The following SETX variants were observed in gnomAD, a reference collection of about 807,000 sequenced individuals.
The protein encoded by SETX is helicase senataxin.
SETX carries 90 observed loss-of-function variants against 227.2 expected under a neutral mutation model. The ratio of observed to expected loss-of-function variants is 0.40; its 90% CI spans 0.33 to 0.47. The LOEUF is 0.47. SETX is among the 20% of genes least tolerant of loss of function. The pLI, the probability that SETX is intolerant of heterozygous loss-of-function variation, is 0.91. For missense variants in SETX, 3,052 were observed against 3,181.5 expected (o/e 0.96, Z 0.98); for synonymous variants, 1,210 against 1,113.2 (o/e 1.09, Z -1.73).
chr9:132,348,699 A>G (rs562489), intron 3 of SETX, among the ~76,000 whole-genome samples: 135,832 of 152,124 alleles, frequency 0.89, 60,770 homozygotes, highest in Non-Finnish European at 0.92. Context: ...GCCAAACCGG[A>G]AGGATCACTT....
intron 15 of SETX, 114 bp downstream of exon 15, chr9:132,295,758 G>A: frequency 1.0e-6 from 1 of 961,432 alleles, no homozygotes; most frequent in South Asian, 1.4e-5. Context: ...ACAAGCCACA[G>A]ATTCAAGTAG....
chr9:132,303,947 C>A (rs1845176565), intron 11 of SETX, among the ~76,000 whole-genome samples: 2 of 152,116 alleles, frequency 1.3e-5, no homozygotes, highest in Non-Finnish European at 2.9e-5. Context: ...CATGGTGAAA[C>A]CCTGTTTCTA....
rs371692040 is a variant in SETX, at chr9:132,283,160, C to CAA, written c.6546+102_6546+103dup. 3,746 of 1,145,106 alleles carry CAA rather than the reference C, an allele frequency of 3.3e-3. 1 individual carries two copies. Among genetic ancestry groups the CAA allele is most frequent in the East Asian group, 0.025 (916 of 37,044 alleles). 70.9% of individuals were successfully genotyped at this position (1,145,106 alleles called of 1,614,324 possible). A position where few individuals can be genotyped will look rare whatever the true frequency, so the allele number is the denominator to read the frequency against. ...GGTAATAGCAAGTGAAAATCAGATG[C>CAA]AAAAAAAAAAAACACATTTCCTCAA... On this transcript the variant is annotated intron_variant, in intron 19 of 25. Transcript: ENST00000224140.
chr9:132,313,078 T>C (rs943832679), intron 10 of SETX, among the ~76,000 whole-genome samples: 4 of 152,176 alleles, frequency 2.6e-5, no homozygotes, highest in African/African-American at 9.7e-5. Flanking sequence ...CTCGGGCTAG[T>C]GGTAGGAATG....
At chr9:132,335,356 A>G (rs1589759639) in intron 6 of SETX, among the ~76,000 whole-genome samples, 1 of 118,590 alleles carries the variant, frequency 8.4e-6, no homozygotes, top group African/African-American at 3.2e-5. Flanking sequence ...GCGCGACTGC[A>G]CTCCAGCCTG....
rs767779556 is a variant in SETX, at chr9:132,328,850, A to G, written c.2748T>C (p.Leu916=). Residue 916 remains leucine, a synonymous_variant, in exon 10 of 26, where the codon CTT becomes CTC. Transcript: ENST00000224140. Reference sequence around the variant, plus strand: ...CATCTCTTGATTCAGGTACAGTCATAAGATCTTTAAAGGGAGATGATTTCT... The same window carrying G: ...CATCTCTTGATTCAGGTACAGTCATGAGATCTTTAAAGGGAGATGATTTCT... ...SEKKSSPFKD[L]MTVPESRDEE... 1.9e-6 allele frequency: 3 copies of G among 1,613,834 alleles called. No homozygotes were observed. The South Asian group carries it at 3.3e-5, about 18-fold the overall frequency.
intron 13 of SETX, among the ~76,000 whole-genome samples, chr9:132,297,345 T>C (rs1844732643): frequency 6.6e-6 from 1 of 152,248 alleles, no homozygotes; most frequent in African/African-American, 2.4e-5. Context: ...TCACAATAAA[T>C]TGCATTTACT....
At chr9:132,300,583 T>TA in intron 12 of SETX, 47 bp downstream of exon 12, 1 of 1,577,088 alleles carries the variant, frequency 6.3e-7, no homozygotes, top group South Asian at 1.1e-5. Flanking sequence ...GATTATTAGA[T>TA]GAGACTGTAT....
intron 19 of SETX, among the ~76,000 whole-genome samples, chr9:132,282,543 G>C (rs532472335): frequency 6.6e-6 from 1 of 151,992 alleles, no homozygotes; most frequent in Non-Finnish European, 1.5e-5. Context: ...ACCCTCCTCA[G>C]TCTCCCAAAG....
At chr9:132,296,210 T>G (rs767458620) in intron 14 of SETX, among the ~76,000 whole-genome samples, 182 bp from the exon 15 acceptor site, 6 of 152,176 alleles carry the variant, frequency 3.9e-5, no homozygotes, top group African/African-American at 4.8e-5. Context: ...GCAAAAAAAT[T>G]TGTCATAACT....
intron 19 of SETX, 46 bp downstream of exon 19, chr9:132,283,218 C>G (rs1843641058): frequency 4.4e-6 from 7 of 1,606,884 alleles, no homozygotes; most frequent in Non-Finnish European, 6.0e-6. Context: ...CTAAGACTTA[C>G]TCCTCATAGT....
intron 17 of SETX, 78 bp from the exon 18 acceptor site, chr9:132,286,572 T>C (rs545511469): frequency 2.0e-6 from 2 of 975,764 alleles, no homozygotes; most frequent in East Asian, 2.4e-5. Context: ...ACCTCTAATT[T>C]TAAAAGAGCC....
intron 14 of SETX, among the ~76,000 whole-genome samples, chr9:132,296,310 CGGGA>C (rs1230703925): frequency 6.6e-6 from 1 of 152,052 alleles, no homozygotes; most frequent in African/African-American, 2.4e-5. Flanking sequence ...CCCAGCACTT[CGGGA>C]GGCCGAGGCG....
chr9:132,342,573 A>G (rs558246959), intron 5 of SETX, 117 bp downstream of exon 5: 1 of 863,724 alleles, frequency 1.2e-6, no homozygotes, highest in East Asian at 2.4e-5. Flanking sequence ...TAAATTTTAA[A>G]GCAAGAAAAA....
Position 132,297,963 on chromosome 9 carries a change from A to C in SETX, c.5781+117T>G, listed in dbSNP as rs1305702170. On this transcript the variant is annotated intron_variant, in intron 13 of 25. Coordinates refer to ENST00000224140, the MANE Select transcript of SETX (RefSeq NM_015046.7). ...GCAATACTAAAGAAAACTAACACTA[A>C]ACTGTTCACCGTGAACACATTTTTG... is the stretch of plus-strand genomic sequence containing the variant. 6.9e-6 allele frequency: 6 copies of C among 875,348 alleles called. No homozygotes were observed. The East Asian group carries it at 1.3e-4, about 19-fold the overall frequency. 54.2% of individuals were successfully genotyped at this position (875,348 alleles called of 1,614,324 possible).
Position 132,299,736 on chromosome 9 carries a change from A to G in SETX, c.5548+894T>C, listed in dbSNP as rs150726564. Among the ~76,000 whole-genome samples, 494 of 152,320 alleles carry G rather than the reference A, an allele frequency of 3.2e-3. 2 individuals are homozygous for G. Among genetic ancestry groups the G allele is most frequent in the African/African-American group, 0.011 (475 of 41,568 alleles). ...CTGGACTTACCAATTAACACTGATG[A>G]CAGCCTTGAAAATAGGTTTACTTAA... On this transcript the variant is annotated intron_variant, in intron 12 of 25. Coordinates refer to ENST00000224140, the MANE Select transcript of SETX (RefSeq NM_015046.7).
intron 23 of SETX, among the ~76,000 whole-genome samples, chr9:132,272,161 C>T (rs1051644498): frequency 8.5e-5 from 13 of 152,218 alleles, no homozygotes; most frequent in South Asian, 2.1e-4. Flanking sequence ...TGAGCCACCG[C>T]GTCCGGCTTA....
intron 11 of SETX, 123 bp from the exon 12 acceptor site, chr9:132,300,926 C>T (rs1415966250): frequency 2.7e-6 from 2 of 748,210 alleles, no homozygotes; most frequent in Admixed American, 6.1e-5. Flanking sequence ...AAGGACTCTG[C>T]ATATACTTTA....
chr9:132,331,542 T>C lies in SETX; in HGVS notation c.839-94A>G. 7 of 1,354,976 alleles carry C rather than the reference T, an allele frequency of 5.2e-6. 1 individual carries two copies. The South Asian group carries it at 7.4e-5, about 14-fold the overall frequency. The allele number at this position is 1,354,976 out of a possible 1,614,324, so 83.9% of individuals were successfully genotyped here. On this transcript the variant is annotated intron_variant, in intron 7 of 25. Coordinates refer to ENST00000224140, the MANE Select transcript of SETX (RefSeq NM_015046.7). The stretch of plus-strand genomic sequence containing the variant: ...TTAAGCATATTCTTTATCTGGTGAG[T>C]AGCAACCCAACTAAAAGCCAAGGAG...
Sources: allele counts gnomAD v4.1 joint callset (sites outside exome capture counted in the v4.1 genomes callset), GRCh38; gene constraint gnomAD v4.1.1; transcripts MANE v1.5; gene names NCBI Gene and HGNC (gene_info 2026-07-23, HGNC 2026-07-21).